OGN: variants seen among roughly 807,000 people sequenced by gnomAD.
The protein encoded by OGN is mimecan.
OGN carries 19 observed loss-of-function variants against 30.8 expected under a neutral mutation model. That is an observed-to-expected ratio of 0.62 (90% CI 0.43 to 0.90). OGN has a LOEUF of 0.90. Among genes scored for constraint, OGN ranks in the 40% least tolerant of loss-of-function variants. OGN has a pLI of 0.00. For missense variants in OGN, 283 were observed against 349.7 expected (o/e 0.81, Z 1.52); for synonymous variants, 126 against 128.3 (o/e 0.98, Z 0.12).
At chr9:92,403,194 C>A (rs1000747365) in intron 2 of OGN, 40 bp downstream of exon 2, 1 of 1,349,102 alleles carries the variant, frequency 7.4e-7, no homozygotes. Flanking sequence ...TTTAAATGGG[C>A]AGTATTTTAG....
intron 2 of OGN, 99 bp downstream of exon 2, chr9:92,403,135 C>G: frequency 1.4e-6 from 1 of 705,624 alleles, no homozygotes; most frequent in Non-Finnish European, 2.3e-6. Flanking sequence ...AAGTGATTTT[C>G]CCTTCCCCTT....
chr9:92,388,183 G>A (rs1318156435), intron 5 of OGN, among the ~76,000 whole-genome samples: 1 of 151,576 alleles, frequency 6.6e-6, no homozygotes, highest in East Asian at 2.0e-4. Context: ...TTTGGAGACT[G>A]AATCTTGCTC....
chr9:92,392,443 G>GA (rs1378713173), intron 4 of OGN, among the ~76,000 whole-genome samples: 1 of 152,108 alleles, frequency 6.6e-6, no homozygotes, highest in East Asian at 1.9e-4. Flanking sequence ...CCAACATGGT[G>GA]AAACCCCATC....
chr9:92,404,537 G>A lies in OGN; in HGVS notation c.-117C>T. 1 of 1,298,776 alleles carries A rather than the reference G, an allele frequency of 7.7e-7. No homozygotes were observed. Among genetic ancestry groups the A allele is most frequent in the African/African-American group, 1.5e-5 (1 of 65,414 alleles). The allele number at this position is 1,298,776 out of a possible 1,614,324, so 80.5% of individuals were successfully genotyped here. A position where few individuals can be genotyped will look rare whatever the true frequency, so the allele number is the denominator to read the frequency against. ...AAGTTTTTTGTGGTTTTCCTCAATAGATGTTCATGTCTGTGCATTAGCCCC... is the reference window on the plus strand; with the variant it reads ...AAGTTTTTTGTGGTTTTCCTCAATAAATGTTCATGTCTGTGCATTAGCCCC... On this transcript the variant is annotated 5_prime_UTR_variant, in exon 1 of 7. Coordinates refer to ENST00000375561, the MANE Select transcript of OGN (RefSeq NM_014057.5).
intron 3 of OGN, among the ~76,000 whole-genome samples, chr9:92,400,713 G>A (rs1266268013): frequency 6.6e-6 from 1 of 152,172 alleles, no homozygotes; most frequent in Non-Finnish European, 1.5e-5. Flanking sequence ...AATTATTGAT[G>A]TATATGTGTG....
Position 92,385,275 on chromosome 9 carries a change from G to T in OGN, c.*345C>A, listed in dbSNP as rs1215864646. The T allele has an allele frequency of 1.2e-5, 2 of 169,964 alleles. No homozygotes were observed. Among genetic ancestry groups the T allele is most frequent in the East Asian group, 1.7e-4 (1 of 5,752 alleles). 10.5% of individuals were successfully genotyped at this position (169,964 alleles called of 1,614,324 possible). On this transcript the variant is annotated 3_prime_UTR_variant, in exon 7 of 7. Coordinates refer to ENST00000375561, the MANE Select transcript of OGN (RefSeq NM_014057.5). The stretch of plus-strand genomic sequence containing the variant: ...GGCCAGGAAAGGCAAAGAGTTGAAA[G>T]TTTCTTGGATTTATCCTCGTACTTA...
At chr9:92,389,029 T>A (rs1190155434) in intron 5 of OGN, among the ~76,000 whole-genome samples, 2 of 152,086 alleles carry the variant, frequency 1.3e-5, no homozygotes, top group Non-Finnish European at 2.9e-5. Flanking sequence ...GATTGTACAT[T>A]TTTTGACAGA....
At chr9:92,396,261 A>G (rs1357192887) in intron 3 of OGN, among the ~76,000 whole-genome samples, 5 of 151,978 alleles carry the variant, frequency 3.3e-5, no homozygotes, top group Non-Finnish European at 7.4e-5. Flanking sequence ...TGATTCCTGT[A>G]CCTTTGTAAC....
chr9:92,392,265 G>A (rs1039391062), intron 4 of OGN, among the ~76,000 whole-genome samples: 4 of 152,100 alleles, frequency 2.6e-5, no homozygotes, highest in African/African-American at 9.7e-5. Flanking sequence ...TAATGATGTT[G>A]CTTGGGCCCT....
chr9:92,395,540 G>A (rs1380926392), intron 3 of OGN, among the ~76,000 whole-genome samples: 1 of 152,130 alleles, frequency 6.6e-6, no homozygotes, highest in Non-Finnish European at 1.5e-5. Flanking sequence ...GAGTGGAATG[G>A]CTGGGTCTTT....
intron 4 of OGN, among the ~76,000 whole-genome samples, chr9:92,390,560 TTCAG>T (rs1842630673): frequency 7.9e-6 from 1 of 126,652 alleles, no homozygotes; most frequent in African/African-American, 2.7e-5. Context: ...GAGAGAGAAA[TTCAG>T]TGTGTGTGTG....
At position 92,386,270 on chromosome 9, in the gene OGN, G is replaced by A; in HGVS notation, c.657C>T (p.Tyr219=). The change falls in exon 6 of 7, where the codon TAC becomes TAT. Residue 219 remains tyrosine, a synonymous_variant. Transcript: ENST00000375561. The stretch of plus-strand genomic sequence containing the variant: ...CGGATTCCAGGGCATTATGGTCCAA[G>A]TAGAGGAAGGTGAGGTTATTCAGTT... ...FKKLNNLTFL[Y]LDHNALESVP... The A allele has an allele frequency of 1.2e-6, 2 of 1,613,274 alleles. No homozygotes were observed. Among genetic ancestry groups the A allele is most frequent in the Non-Finnish European group, 1.7e-6 (2 of 1,179,322 alleles).
At position 92,384,096 on chromosome 9, in the gene OGN, A is replaced by G. The variant is rs1588077792; in HGVS notation, c.*1524T>C. 6.6e-6 allele frequency: 1 copy of G among 152,226 alleles called. No individual in the cohort carries two copies. The highest frequency in any genetic ancestry group is 1.9e-4 in the East Asian group (1 of 5,204). 9.4% of individuals were successfully genotyped at this position (152,226 alleles called of 1,614,324 possible). On this transcript the variant is annotated 3_prime_UTR_variant, in exon 7 of 7. Transcript: ENST00000375561. ...TTGCGCTCTCAGTGAGGTTTAAGTC[A>G]GGGAAATGAGGCATGCACACAAAAT...
chr9:92,392,806 A>T (rs1465544098), intron 4 of OGN, among the ~76,000 whole-genome samples: 1 of 152,164 alleles, frequency 6.6e-6, no homozygotes, highest in East Asian at 1.9e-4. Flanking sequence ...GAAGCAAGGG[A>T]TCTTGAAGTA....
At chr9:92,391,305 G>A (rs1842672838) in intron 4 of OGN, among the ~76,000 whole-genome samples, 1 of 152,092 alleles carries the variant, frequency 6.6e-6, no homozygotes, top group African/African-American at 2.4e-5. Context: ...TACTCGGGAA[G>A]CTGAGGCAGG....
At chr9:92,394,453 A>C in intron 3 of OGN, among the ~76,000 whole-genome samples, 1 of 148,242 alleles carries the variant, frequency 6.7e-6, no homozygotes, top group Non-Finnish European at 1.5e-5. Flanking sequence ...AGGTTTCACC[A>C]TGTTGGCCAG....
intron 3 of OGN, among the ~76,000 whole-genome samples, chr9:92,398,110 T>C (rs1434650031): frequency 1.3e-5 from 2 of 152,236 alleles, no homozygotes; most frequent in Non-Finnish European, 2.9e-5. Context: ...CTCATAACAC[T>C]GTGCATAACA....
At chr9:92,386,680 G>C (rs1842434971) in intron 5 of OGN, among the ~76,000 whole-genome samples, 1 of 152,128 alleles carries the variant, frequency 6.6e-6, no homozygotes, top group South Asian at 2.1e-4. Context: ...AACCTCTCCT[G>C]TACCTCTGGA....
chr9:92,390,051 A>T lies in OGN; in HGVS notation c.433T>A (p.Leu145Ile). Residue 145 changes from leucine to isoleucine, a missense_variant, in exon 5 of 7, where the codon TTA becomes ATA. Physicochemically the swap from Leu to Ile is conservative, Grantham distance 5. Coordinates refer to ENST00000375561, the MANE Select transcript of OGN (RefSeq NM_014057.5). ...TAKDFADIPN[L>I]RRLDFTGNLI... Reference sequence around the variant, plus strand: ...TTTCCTGTAAAATCGAGTCTTCTTAAGTTAGCTAGAGGGAAAAAAATATAA... The same window carrying T: ...TTTCCTGTAAAATCGAGTCTTCTTATGTTAGCTAGAGGGAAAAAAATATAA... 6 of 1,565,788 alleles carry T rather than the reference A, an allele frequency of 3.8e-6. No individual in the cohort carries two copies. The highest frequency in any genetic ancestry group is 5.2e-6 in the Non-Finnish European group (6 of 1,145,278).
Sources: allele counts gnomAD v4.1 joint callset (sites outside exome capture counted in the v4.1 genomes callset), GRCh38; gene constraint gnomAD v4.1.1; transcripts MANE v1.5; gene names NCBI Gene and HGNC (gene_info 2026-07-23, HGNC 2026-07-21).